THRB: variants seen among roughly 807,000 people sequenced by gnomAD.
THRB encodes thyroid hormone receptor beta.
In THRB, 12 loss-of-function variants were observed where a neutral mutation model predicts 47.8. The observed-to-expected ratio is 0.25, with a 90% CI of 0.16 to 0.41. The LOEUF (loss-of-function observed/expected upper bound fraction) is 0.41, where lower values mean the gene tolerates loss of function less well. Ranked by LOEUF, THRB falls within the 10% of genes least tolerant of loss-of-function variation. THRB has a pLI of 1.00. For synonymous variants in THRB, 218 were observed against 212.2 expected (o/e 1.03, Z -0.24); for missense variants, 348 against 589.2 (o/e 0.59, Z 4.24).
intron 2 of THRB, among the ~76,000 whole-genome samples, chr3:24,335,714 T>C (rs977394083): frequency 5.9e-5 from 9 of 152,214 alleles, no homozygotes; most frequent in African/African-American, 2.2e-4. Flanking sequence ...AGATTAGTTA[T>C]TCCTTTTCTA....
intron 1 of THRB, among the ~76,000 whole-genome samples, chr3:24,378,966 G>A (rs1231538733): frequency 3.9e-5 from 6 of 151,990 alleles, no homozygotes; most frequent in Non-Finnish European, 7.4e-5. Flanking sequence ...AAAAATGCCA[G>A]CACCATTTGA....
intron 3 of THRB, among the ~76,000 whole-genome samples, chr3:24,238,288 G>GGGT (rs2049109223): frequency 7.4e-6 from 1 of 134,680 alleles, no homozygotes; most frequent in African/African-American, 2.7e-5. Context: ...TGGGGGGGGG[G>GGGT]GGGGTGTGTG....
At chr3:24,168,512 C>A (rs1442444249) in intron 5 of THRB, among the ~76,000 whole-genome samples, 1 of 116,014 alleles carries the variant, frequency 8.6e-6, no homozygotes, top group Non-Finnish European at 1.9e-5. Flanking sequence ...TATATATATG[C>A]GCCTAGGTGT....
At chr3:24,458,468 C>G (rs1047739895) in intron 1 of THRB, 2 of 152,116 alleles carry the variant, frequency 1.3e-5, no homozygotes, top group Admixed American at 1.3e-4. Context: ...TGAAGAATAC[C>G]CCATTTGCAA....
Position 24,122,342 on chromosome 3 carries a change from A to G in THRB, c.*542T>C, listed in dbSNP as rs1221265100. On this transcript the variant is annotated 3_prime_UTR_variant, in exon 11 of 11. Coordinates refer to ENST00000646209, the MANE Select transcript of THRB (RefSeq NM_001354712.2). ...TTTTAGGACACAAATATTCCTGTACATTCCAAGTTATGCTCCTAGGAGACC... is the reference window on the plus strand; with the variant it reads ...TTTTAGGACACAAATATTCCTGTACGTTCCAAGTTATGCTCCTAGGAGACC... The G allele has an allele frequency of 6.0e-6, 1 of 166,094 alleles. No individual in the cohort carries two copies. The highest frequency in any genetic ancestry group is 1.6e-4 in the East Asian group (1 of 6,336). The allele number at this position is 166,094 out of a possible 1,614,324, so 10.3% of individuals were successfully genotyped here.
At chr3:24,200,262 A>G (rs2149714576) in intron 4 of THRB, among the ~76,000 whole-genome samples, 1 of 152,332 alleles carries the variant, frequency 6.6e-6, no homozygotes, top group Non-Finnish European at 1.5e-5. Context: ...ATTTTTCAAA[A>G]AAACCCAAGA....
chr3:24,475,944 G>T (rs1046205365), intron 1 of THRB, among the ~76,000 whole-genome samples: 1 of 152,162 alleles, frequency 6.6e-6, no homozygotes, highest in African/African-American at 2.4e-5. Flanking sequence ...AATCTCTCAA[G>T]TAAACAATCA....
At chr3:24,387,290 C>A (rs2066198509) in intron 1 of THRB, among the ~76,000 whole-genome samples, 1 of 152,104 alleles carries the variant, frequency 6.6e-6, no homozygotes, top group African/African-American at 2.4e-5. Flanking sequence ...TTTAGGCCTG[C>A]AACCTGGACA....
In THRB at chr3:24,146,655, G is replaced by A. The variant is rs777355488; in HGVS notation, c.532+20C>T. The A allele has an allele frequency of 1.1e-5, 17 of 1,613,266 alleles. No individual in the cohort carries two copies. The highest frequency in any genetic ancestry group is 1.7e-6 in the Non-Finnish European group (2 of 1,179,362). Reference sequence around the variant, plus strand: ...CTAATCAACATTCCTTGAATATGAAGCAAGTGAAGATCTACTTACAATCTG... The same window carrying A: ...CTAATCAACATTCCTTGAATATGAAACAAGTGAAGATCTACTTACAATCTG... On this transcript the variant is annotated intron_variant, in intron 7 of 10. Coordinates refer to ENST00000646209, the MANE Select transcript of THRB (RefSeq NM_001354712.2).
At chr3:24,488,753 A>T (rs1697689665) in intron 1 of THRB, among the ~76,000 whole-genome samples, 1 of 152,212 alleles carries the variant, frequency 6.6e-6, no homozygotes, top group Non-Finnish European at 1.5e-5. Context: ...AATGAGTAGT[A>T]ACTGGAAAAA....
At chr3:24,182,201 A>AAAAAC (rs1165316696) in intron 5 of THRB, among the ~76,000 whole-genome samples, 1 of 150,002 alleles carries the variant, frequency 6.7e-6, no homozygotes, top group Non-Finnish European at 1.5e-5. Context: ...ACTCCGTTTC[A>AAAAAC]AAAACAAAAC....
intron 5 of THRB, among the ~76,000 whole-genome samples, chr3:24,159,486 A>G (rs2038424611): frequency 6.6e-6 from 1 of 152,252 alleles, no homozygotes; most frequent in Non-Finnish European, 1.5e-5. Context: ...ATATATGGTT[A>G]TGTAGGTTCA....
At chr3:24,419,864 C>T (rs1260883985) in intron 1 of THRB, among the ~76,000 whole-genome samples, 4 of 151,680 alleles carry the variant, frequency 2.6e-5, no homozygotes, top group Admixed American at 2.6e-4. Context: ...AGAAAATTGC[C>T]TCATTATAAT....
chr3:24,176,118 A>G (rs1376974780), intron 5 of THRB, among the ~76,000 whole-genome samples: 1 of 151,778 alleles, frequency 6.6e-6, no homozygotes, highest in African/African-American at 2.4e-5. Context: ...TATTTATTAT[A>G]GTCAATATGT....
chr3:24,290,780 A>G (rs1193532946), intron 3 of THRB, among the ~76,000 whole-genome samples: 2 of 152,216 alleles, frequency 1.3e-5, no homozygotes, highest in East Asian at 3.8e-4. Context: ...TTTTTCTTGG[A>G]AACCCCAAAG....
intron 5 of THRB, among the ~76,000 whole-genome samples, chr3:24,188,773 C>CACAA (rs1491045185): frequency 7.0e-6 from 1 of 142,378 alleles, no homozygotes; most frequent in African/African-American, 2.6e-5. Flanking sequence ...CACACACACA[C>CACAA]ATACGTCCTA....
intron 3 of THRB, among the ~76,000 whole-genome samples, chr3:24,280,573 C>T (rs569630158): frequency 6.6e-6 from 1 of 152,314 alleles, no homozygotes; most frequent in Non-Finnish European, 1.5e-5. Flanking sequence ...AGCAACAGAA[C>T]AAAGCTGGAC....
chr3:24,319,665 T>TA lies in THRB; in HGVS notation c.-189+17634dup, dbSNP rs527858014. 1.4e-4 allele frequency among the ~76,000 whole-genome samples: 21 copies of TA among 152,224 alleles called. No individual in the cohort carries two copies. The East Asian group carries it at 3.5e-3, about 25-fold the overall frequency. Reference sequence around the variant, plus strand: ...GTAGTTACATGGGTATACAACTACATAAAAAAATGGAGCTTTATATGCTTT... The same window carrying TA: ...GTAGTTACATGGGTATACAACTACATAAAAAAAATGGAGCTTTATATGCTTT... On this transcript the variant is annotated intron_variant, in intron 2 of 10. Coordinates refer to ENST00000646209, the MANE Select transcript of THRB (RefSeq NM_001354712.2).
chr3:24,305,641 G>A (rs945877606), intron 2 of THRB, among the ~76,000 whole-genome samples: 14 of 152,292 alleles, frequency 9.2e-5, no homozygotes, highest in Admixed American at 2.6e-4. Flanking sequence ...TGGGTTGGAA[G>A]CATTTTAATA....
Sources: allele counts gnomAD v4.1 joint callset (sites outside exome capture counted in the v4.1 genomes callset), GRCh38; gene constraint gnomAD v4.1.1; transcripts MANE v1.5; gene names NCBI Gene and HGNC (gene_info 2026-07-23, HGNC 2026-07-21).